Variants in CUX2 observed in about 807,000 individuals in gnomAD.
CUX2 encodes the protein cut like homeobox 2.
In CUX2, 40 loss-of-function variants were observed where a neutral mutation model predicts 144.8. That is an observed-to-expected ratio of 0.28 (90% CI 0.21 to 0.36). The LOEUF (loss-of-function observed/expected upper bound fraction) is 0.36. CUX2 is among the 10% of genes least tolerant of loss of function. CUX2 has a pLI of 1.00. For missense variants in CUX2, 1,615 were observed against 1,994.0 expected (o/e 0.81, Z 3.62); for synonymous variants, 827 against 875.6 (o/e 0.94, Z 0.98).
rs144838627 is a variant in CUX2, at chr12:111,304,491, C to T, written c.858+177C>T. Among the ~76,000 whole-genome samples the T allele has an allele frequency of 1.5e-3, 231 of 152,194 alleles. 3 individuals carry two copies. Among genetic ancestry groups the T allele is most frequent in the East Asian group, 0.015 (77 of 5,184 alleles). The stretch of plus-strand genomic sequence containing the variant: ...CATACGGTGAGCATAATCACTATGA[C>T]CTGCTACACCAGCTGAGGATAAAAA... On this transcript the variant is annotated intron_variant, in intron 10 of 21. Transcript: ENST00000261726. The surrounding 1 kb of genome is among the most constrained non-coding windows in gnomAD (Gnocchi z 4.7).
intron 1 of CUX2, among the ~76,000 whole-genome samples, chr12:111,047,062 G>C (rs1404097363): frequency 2.0e-5 from 3 of 152,228 alleles, no homozygotes; most frequent in African/African-American, 7.2e-5. Context: ...GGGAAGGTGA[G>C]AGAAAGCTCC....
intron 1 of CUX2, among the ~76,000 whole-genome samples, chr12:111,202,439 A>C (rs1880654007): frequency 6.6e-6 from 1 of 152,116 alleles, no homozygotes. Context: ...ATCCTCTCTC[A>C]AGGACAGCCA....
intron 21 of CUX2, among the ~76,000 whole-genome samples, chr12:111,345,204 C>T (rs1275804017): frequency 6.6e-6 from 1 of 151,818 alleles, no homozygotes; most frequent in Non-Finnish European, 1.5e-5. Flanking sequence ...AATCCCAGCA[C>T]TTTGGGAGGC....
intron 1 of CUX2, among the ~76,000 whole-genome samples, chr12:111,179,131 C>G (rs1879016308): frequency 6.6e-6 from 1 of 152,156 alleles, no homozygotes; most frequent in African/African-American, 2.4e-5. Flanking sequence ...GTGGACTCCC[C>G]TCCTCATTGA....
At chr12:111,206,721 G>A (rs898653139) in intron 1 of CUX2, among the ~76,000 whole-genome samples, 2 of 152,208 alleles carry the variant, frequency 1.3e-5, no homozygotes, top group African/African-American at 4.8e-5. Flanking sequence ...TCCACCCAAG[G>A]ATGGATGACT....
chr12:111,240,690 T>C, intron 3 of CUX2, among the ~76,000 whole-genome samples: 1 of 152,060 alleles, frequency 6.6e-6, no homozygotes, highest in East Asian at 1.9e-4. Context: ...GTCCTAAAAT[T>C]GAGTATGAAT....
chr12:111,314,665 AAAACC>A (rs1458383640), intron 16 of CUX2, among the ~76,000 whole-genome samples: 1 of 74,412 alleles, frequency 1.3e-5, no homozygotes, highest in African/African-American at 1.3e-4. Context: ...AAAAAAAAAA[AAAACC>A]CCATCTCCTC....
intron 1 of CUX2, among the ~76,000 whole-genome samples, chr12:111,140,568 GT>G (rs1232112142): frequency 3.3e-5 from 5 of 152,118 alleles, no homozygotes; most frequent in African/African-American, 1.2e-4. Context: ...ATATTAATAG[GT>G]TTCATCCACT....
intron 3 of CUX2, among the ~76,000 whole-genome samples, chr12:111,228,648 T>C (rs2136241768): frequency 6.6e-6 from 1 of 152,204 alleles, no homozygotes; most frequent in East Asian, 1.9e-4. Flanking sequence ...GGTCTCGAAC[T>C]CCTGACCTCA....
intron 1 of CUX2, among the ~76,000 whole-genome samples, chr12:111,109,511 C>G (rs1001491536): frequency 6.6e-6 from 1 of 152,186 alleles, no homozygotes; most frequent in Admixed American, 6.5e-5. Flanking sequence ...CCCCAGCGAC[C>G]TTGGATGCCC....
intron 3 of CUX2, among the ~76,000 whole-genome samples, chr12:111,253,025 T>C (rs779589738): frequency 1.5e-4 from 23 of 152,114 alleles, no homozygotes; most frequent in Non-Finnish European, 2.4e-4. Context: ...ATCCTGTGGC[T>C]CGACCTTCAC....
chr12:111,087,530 T>C (rs1872307471), intron 1 of CUX2, among the ~76,000 whole-genome samples: 1 of 152,194 alleles, frequency 6.6e-6, no homozygotes, highest in African/African-American at 2.4e-5. Context: ...ACGCAAGTGC[T>C]TTGCACTTAA....
Position 111,037,195 on chromosome 12 carries a change from T to C in CUX2, c.63+2955T>C, listed in dbSNP as rs1214708534. Among the ~76,000 whole-genome samples, 1 of 152,108 alleles carries C rather than the reference T, an allele frequency of 6.6e-6. No individual in the cohort carries two copies. Among genetic ancestry groups the C allele is most frequent in the Non-Finnish European group, 1.5e-5 (1 of 68,010 alleles). On this transcript the variant is annotated intron_variant, in intron 1 of 21. Coordinates refer to ENST00000261726, the MANE Select transcript of CUX2 (RefSeq NM_015267.4). This position sits in a 1 kb window ranked among gnomAD's most constrained non-coding sequence, Gnocchi z 5.4. ...TCCCGAGGCTGAGCTGCCTGTGATG[T>C]GAGGAGGTGCGTGGCTTTCATTCCT...
intron 1 of CUX2, among the ~76,000 whole-genome samples, chr12:111,177,301 T>C (rs1361402598): frequency 6.6e-6 from 1 of 152,014 alleles, no homozygotes; most frequent in African/African-American, 2.4e-5. Flanking sequence ...TTGCCCCCAC[T>C]TTTCCCCCCT....
chr12:111,128,394 A>G (rs148656368), intron 1 of CUX2, among the ~76,000 whole-genome samples: 3 of 152,162 alleles, frequency 2.0e-5, no homozygotes, highest in Admixed American at 1.3e-4. Flanking sequence ...TCAGTTTATC[A>G]TAGGGAATTC....
In CUX2 at chr12:111,304,191, A is replaced by C; in HGVS notation, c.754-19A>C. 1 of 1,601,596 alleles carries C rather than the reference A, an allele frequency of 6.2e-7. No individual in the cohort carries two copies. Among genetic ancestry groups the C allele is most frequent in the Non-Finnish European group, 8.5e-7 (1 of 1,171,854 alleles). The stretch of plus-strand genomic sequence containing the variant: ...CAGAGTGGGCTCACCTCTCGCCCAC[A>C]CTGTCCCCTTCTCCCCAGCGAGCTG... On this transcript the variant is annotated intron_variant, in intron 9 of 21. Coordinates refer to ENST00000261726, the MANE Select transcript of CUX2 (RefSeq NM_015267.4). The surrounding 1 kb of genome is among the most constrained non-coding windows in gnomAD (Gnocchi z 4.7).
intron 3 of CUX2, among the ~76,000 whole-genome samples, chr12:111,248,105 T>A (rs1883369596): frequency 6.6e-6 from 1 of 152,186 alleles, no homozygotes; most frequent in South Asian, 2.1e-4. Flanking sequence ...TTCACCATGT[T>A]GGCCAGGCTG....
At position 111,189,977 on chromosome 12, in the gene CUX2, T is replaced by G. The variant is rs142662906; in HGVS notation, c.64-24223T>G. ...ATGAGGTTCCAGTTGATCCACATCC[T>G]TGTCAACACTTGGTATTATCTGTCT... On this transcript the variant is annotated intron_variant, in intron 1 of 21. Coordinates refer to ENST00000261726, the MANE Select transcript of CUX2 (RefSeq NM_015267.4). Among the ~76,000 whole-genome samples the G allele has an allele frequency of 5.3e-5, 8 of 152,348 alleles. No individual in the cohort carries two copies. The East Asian group carries it at 1.5e-3, about 29-fold the overall frequency.
chr12:111,158,472 T>TAA (rs781038202), intron 1 of CUX2, among the ~76,000 whole-genome samples: 2 of 122,026 alleles, frequency 1.6e-5, no homozygotes, highest in African/African-American at 3.1e-5. Flanking sequence ...TAATTTTTAT[T>TAA]AAAAAAAAAA....
Sources: allele counts gnomAD v4.1 joint callset (sites outside exome capture counted in the v4.1 genomes callset), GRCh38; gene constraint gnomAD v4.1.1; non-coding constraint Gnocchi (gnomAD v3.1); transcripts MANE v1.5; gene names NCBI Gene and HGNC (gene_info 2026-07-23, HGNC 2026-07-21).